The following CYP39A1 variants were observed in gnomAD, a reference collection of about 807,000 sequenced individuals.
CYP39A1 encodes cytochrome P450 family 39 subfamily A member 1.
CYP39A1 carries 49 observed loss-of-function variants against 58.1 expected under a neutral mutation model. That is an observed-to-expected ratio of 0.84 (90% CI 0.67 to 1.07). CYP39A1 has a LOEUF of 1.07. Among genes scored for constraint, CYP39A1 ranks in the 50% least tolerant of loss-of-function variants. The pLI is 0.00. For missense variants in CYP39A1, 531 were observed against 539.4 expected (o/e 0.98, Z 0.16); for synonymous variants, 209 against 187.6 (o/e 1.11, Z -0.93).
intron 1 of CYP39A1, 131 bp from the exon 2 acceptor site, chr6:46,642,429 T>A (rs1776400807): frequency 1.2e-6 from 1 of 859,878 alleles, no homozygotes; most frequent in Non-Finnish European, 1.7e-6. Context: ...TGGCAATTAG[T>A]TATAAATTTT....
intron 7 of CYP39A1, among the ~76,000 whole-genome samples, chr6:46,610,503 G>T (rs143897352): frequency 2.0e-5 from 3 of 151,756 alleles, no homozygotes; most frequent in Non-Finnish European, 4.4e-5. Context: ...CACCACATCC[G>T]ACTAAATTTT....
intron 7 of CYP39A1, among the ~76,000 whole-genome samples, chr6:46,615,855 C>T (rs187972076): frequency 6.6e-6 from 1 of 152,186 alleles, no homozygotes; most frequent in Admixed American, 6.5e-5. Flanking sequence ...AGCTCTTCCT[C>T]TAGATATCTG....
At chr6:46,575,976 T>C (rs544759456) in intron 10 of CYP39A1, among the ~76,000 whole-genome samples, 6 of 152,320 alleles carry the variant, frequency 3.9e-5, no homozygotes, top group African/African-American at 1.4e-4. Flanking sequence ...TTTAATTGGC[T>C]CATGGTTCAG....
intron 1 of CYP39A1, among the ~76,000 whole-genome samples, chr6:46,647,728 G>A (rs1170273034): frequency 2.0e-5 from 3 of 152,180 alleles, no homozygotes; most frequent in Non-Finnish European, 4.4e-5. Context: ...AATGTTTCCA[G>A]TGATGATGAG....
chr6:46,565,676 G>T (rs1411305045), intron 10 of CYP39A1, among the ~76,000 whole-genome samples: 1 of 152,130 alleles, frequency 6.6e-6, no homozygotes, highest in Non-Finnish European at 1.5e-5. Flanking sequence ...CAACCACAGA[G>T]GGATTAAGTG....
In CYP39A1 at chr6:46,568,754, A is replaced by C. The variant is rs116492700; in HGVS notation, c.1251-14900T>G. Among the ~76,000 whole-genome samples the C allele has an allele frequency of 5.2e-3, 794 of 152,106 alleles. 6 individuals are homozygous for C. The highest frequency in any genetic ancestry group is 6.7e-3 in the Non-Finnish European group (452 of 67,960). On this transcript the variant is annotated intron_variant, in intron 10 of 11. Transcript: ENST00000275016. ...TTCTATTGTATTGGTCTACATGTCT[A>C]TCTTTATGTCAACAGCACACTGTTT... is the stretch of plus-strand genomic sequence containing the variant.
chr6:46,652,724 T>G lies in CYP39A1; in HGVS notation c.-142A>C, dbSNP rs1762782768. ...TGCAGCTCTCCTTCGTAACTGTAGC[T>G]TCCTTCCTCTGTCCCAGTTTTCAGG... On this transcript the variant is annotated 5_prime_UTR_variant, in exon 1 of 12. Coordinates refer to ENST00000275016, the MANE Select transcript of CYP39A1 (RefSeq NM_016593.5). 1 of 692,152 alleles carries G rather than the reference T, an allele frequency of 1.4e-6. No individual in the cohort carries two copies. The allele number at this position is 692,152 out of a possible 1,614,324, so 42.9% of individuals were successfully genotyped here.
chr6:46,572,465 C>A, intron 10 of CYP39A1, among the ~76,000 whole-genome samples: 1 of 152,108 alleles, frequency 6.6e-6, no homozygotes, highest in Non-Finnish European at 1.5e-5. Context: ...AATGTTTTTT[C>A]TTTCAGTAGT....
chr6:46,579,266 C>A (rs555907757), intron 10 of CYP39A1, among the ~76,000 whole-genome samples: 38 of 151,944 alleles, frequency 2.5e-4, no homozygotes, highest in Non-Finnish European at 4.0e-4. Context: ...AATACATGAT[C>A]ATCTCAATAG....
Position 46,637,828 on chromosome 6 carries a change from C to T in CYP39A1, c.638+1G>A. ...AATTAATTATAGGAAACAACTGTTA[C>T]CTTAGAAGACACTCTGGCAACTGGG... On this transcript the variant is annotated splice_donor_variant, in intron 4 of 11. Transcript: ENST00000275016. LOFTEE classifies it high-confidence loss of function. 4.3e-6 allele frequency: 7 copies of T among 1,611,554 alleles called. No homozygotes were observed. The highest frequency in any genetic ancestry group is 5.9e-6 in the Non-Finnish European group (7 of 1,179,478).
chr6:46,601,432 A>G (rs1178105856), intron 7 of CYP39A1, among the ~76,000 whole-genome samples: 1 of 152,024 alleles, frequency 6.6e-6, no homozygotes, highest in African/African-American at 2.4e-5. Flanking sequence ...TAAATCCAAC[A>G]TTCTCACTTT....
intron 1 of CYP39A1, among the ~76,000 whole-genome samples, chr6:46,648,718 C>T (rs1468866890): frequency 6.6e-6 from 1 of 151,158 alleles, no homozygotes; most frequent in Admixed American, 6.6e-5. Flanking sequence ...ATTGGCACAA[C>T]AAGAAAATGA....
intron 10 of CYP39A1, among the ~76,000 whole-genome samples, chr6:46,563,521 G>A (rs1178372840): frequency 6.6e-6 from 1 of 152,094 alleles, no homozygotes; most frequent in Non-Finnish European, 1.5e-5. Flanking sequence ...TGCTACACAG[G>A]CATTGAGAAC....
At chr6:46,566,336 A>C (rs1252313405) in intron 10 of CYP39A1, among the ~76,000 whole-genome samples, 1 of 152,192 alleles carries the variant, frequency 6.6e-6, no homozygotes, top group Non-Finnish European at 1.5e-5. Context: ...TAAAGGAAAG[A>C]GGCTCAATTG....
chr6:46,645,397 G>A (rs527584509), intron 1 of CYP39A1, among the ~76,000 whole-genome samples: 10 of 152,124 alleles, frequency 6.6e-5, no homozygotes, highest in South Asian at 2.1e-4. Context: ...TTTGGCTTAC[G>A]CTATCAAATT....
chr6:46,646,172 C>A (rs1762311316), intron 1 of CYP39A1, among the ~76,000 whole-genome samples: 1 of 151,968 alleles, frequency 6.6e-6, no homozygotes, highest in Non-Finnish European at 1.5e-5. Context: ...AGAGTTGTGA[C>A]AACAGAGATC....
chr6:46,618,868 T>C (rs1052491148), intron 7 of CYP39A1, among the ~76,000 whole-genome samples: 11 of 152,132 alleles, frequency 7.2e-5, no homozygotes, highest in African/African-American at 2.7e-4. Context: ...GAACTCAGCC[T>C]GGAGCATACC....
chr6:46,618,511 A>G (rs1774754701), intron 7 of CYP39A1, among the ~76,000 whole-genome samples: 1 of 152,134 alleles, frequency 6.6e-6, no homozygotes, highest in Admixed American at 6.6e-5. Flanking sequence ...ATTTGGTAAT[A>G]TATGTTTCAC....
chr6:46,648,994 T>C (rs935021394), intron 1 of CYP39A1, among the ~76,000 whole-genome samples: 3 of 152,284 alleles, frequency 2.0e-5, no homozygotes, highest in South Asian at 2.1e-4. Flanking sequence ...ACCAGGCAGT[T>C]TGAAGCATAA....
Sources: gnomAD v4.1 joint callset for allele counts (sites outside exome capture counted in the v4.1 genomes callset) on GRCh38, gnomAD v4.1.1 for gene constraint, MANE v1.5 for transcripts, NCBI Gene and HGNC (gene_info 2026-07-23, HGNC 2026-07-21) for gene names.